AFAP1L2: variants seen among roughly 807,000 people sequenced by gnomAD.
AFAP1L2 encodes actin filament associated protein 1 like 2.
A neutral mutation model predicts 99.3 loss-of-function variants in AFAP1L2; 46 were observed. The ratio of observed to expected loss-of-function variants is 0.46; its 90% CI spans 0.37 to 0.59. The LOEUF (loss-of-function observed/expected upper bound fraction) is 0.59. Ranked by LOEUF, AFAP1L2 falls within the 20% of genes least tolerant of loss-of-function variation. The probability of loss-of-function intolerance (pLI) is 0.00; values close to 1 mark genes in which losing one functional copy is unlikely to be tolerated. For synonymous variants in AFAP1L2, 397 were observed against 419.1 expected, an observed-to-expected ratio of 0.95 and a Z score of 0.64; for missense variants, 959 against 1,034.9, an observed-to-expected ratio of 0.93 and a Z score of 1.01.
chr10:114,385,032 T>C (rs534850367), intron 1 of AFAP1L2, among the ~76,000 whole-genome samples: 67 of 152,146 alleles, frequency 4.4e-4, no homozygotes, highest in Non-Finnish European at 7.8e-4. Context: ...CTGAGCCCCA[T>C]ATGAAGTATA....
intron 4 of AFAP1L2, 32 bp from the exon 5 acceptor site, chr10:114,323,293 C>T: frequency 6.5e-7 from 1 of 1,550,190 alleles, no homozygotes; most frequent in Non-Finnish European, 8.8e-7. Context: ...CAAACGTTTG[C>T]AGATATGGTA....
At chr10:114,300,168 G>A (rs375915742) in intron 15 of AFAP1L2, 26 bp downstream of exon 15, 55 of 1,613,878 alleles carry the variant, frequency 3.4e-5, no homozygotes, top group Middle Eastern at 3.3e-4. Context: ...AGATGGAATC[G>A]GGCTAACTTC....
At chr10:114,290,342 G>T, downstream of AFAP1L2, 1 of 1,550,550 alleles carries the variant, frequency 6.4e-7, no homozygotes, top group Non-Finnish European at 8.7e-7. Flanking sequence ...CGGGATGGCT[G>T]GGAGGGCCCC....
intron 1 of AFAP1L2, among the ~76,000 whole-genome samples, chr10:114,389,624 T>G (rs2056904156): frequency 1.3e-5 from 2 of 152,174 alleles, no homozygotes; most frequent in South Asian, 4.1e-4. Flanking sequence ...TGGAGGTGAC[T>G]GAAAAAATAC....
intron 5 of AFAP1L2, among the ~76,000 whole-genome samples, chr10:114,317,102 A>G (rs1432369837): frequency 6.6e-6 from 1 of 152,236 alleles, no homozygotes; most frequent in Non-Finnish European, 1.5e-5. Context: ...AAGAATCCAG[A>G]AGCCCTTTCT....
chr10:114,378,820 C>T (rs1449009193), intron 1 of AFAP1L2, among the ~76,000 whole-genome samples: 1 of 152,240 alleles, frequency 6.6e-6, no homozygotes, highest in Non-Finnish European at 1.5e-5. Flanking sequence ...AGAGAAGTGA[C>T]TACCTGTCTA....
At chr10:114,335,440 A>AT (rs1251107767) in intron 2 of AFAP1L2, among the ~76,000 whole-genome samples, 2 of 151,972 alleles carry the variant, frequency 1.3e-5, no homozygotes, top group African/African-American at 4.8e-5. Flanking sequence ...GTGAAACCCC[A>AT]TCTCTACTAA....
rs2057256034 is a variant in AFAP1L2, at chr10:114,392,350, C to G, written c.16+12090G>C. 2.6e-5 allele frequency among the ~76,000 whole-genome samples: 4 copies of G among 152,164 alleles called. No individual in the cohort carries two copies. The South Asian group carries it at 8.3e-4, about 31-fold the overall frequency. ...ACTGCAGTCAGCCATGACAGTGCCA[C>G]TGAACTCCAGCCTGGGTGACAGAGC... On this transcript the variant is annotated intron_variant, in intron 1 of 18. Coordinates refer to ENST00000304129, the MANE Select transcript of AFAP1L2 (RefSeq NM_001001936.3).
chr10:114,338,878 C>G (rs569878955), intron 2 of AFAP1L2, among the ~76,000 whole-genome samples: 59 of 152,276 alleles, frequency 3.9e-4, no homozygotes, highest in Non-Finnish European at 6.2e-4. Flanking sequence ...GCACTTTATA[C>G]GTAAATGATC....
intron 1 of AFAP1L2, among the ~76,000 whole-genome samples, chr10:114,341,109 G>A (rs1180952446): frequency 6.6e-6 from 1 of 152,208 alleles, no homozygotes; most frequent in African/African-American, 2.4e-5. Context: ...GAGAGCTGTT[G>A]AGCTCTGCTC....
intron 1 of AFAP1L2, among the ~76,000 whole-genome samples, chr10:114,351,223 T>G (rs2050422512): frequency 6.6e-6 from 1 of 152,206 alleles, no homozygotes; most frequent in African/African-American, 2.4e-5. Context: ...ACTCCTTCTT[T>G]ATAGCCTCCC....
chr10:114,322,993 G>A (rs1306573016), intron 5 of AFAP1L2, among the ~76,000 whole-genome samples, 178 bp downstream of exon 5: 1 of 152,182 alleles, frequency 6.6e-6, no homozygotes, highest in Non-Finnish European at 1.5e-5. Context: ...CACACTAAAG[G>A]CTGAATGCTC....
intron 1 of AFAP1L2, among the ~76,000 whole-genome samples, chr10:114,353,056 A>G (rs1015754852): frequency 5.3e-5 from 8 of 152,142 alleles, no homozygotes; most frequent in Admixed American, 2.0e-4. Flanking sequence ...GTGACCTTGG[A>G]CCTAACCAGT....
At chr10:114,365,725 T>C (rs550210991) in intron 1 of AFAP1L2, among the ~76,000 whole-genome samples, 9 of 98,954 alleles carry the variant, frequency 9.1e-5, no homozygotes, top group South Asian at 3.1e-4. Context: ...CTCTCTCTCT[T>C]TTTTTTTTTT....
intron 1 of AFAP1L2, among the ~76,000 whole-genome samples, chr10:114,370,789 T>C (rs1209094785): frequency 1.3e-5 from 2 of 152,206 alleles, no homozygotes; most frequent in African/African-American, 4.8e-5. Context: ...CGCTTCTGTA[T>C]CTTGCCATTG....
intron 2 of AFAP1L2, among the ~76,000 whole-genome samples, chr10:114,337,582 G>A (rs529278343): frequency 2.0e-5 from 3 of 152,298 alleles, no homozygotes; most frequent in East Asian, 1.9e-4. Flanking sequence ...CACCCCCTAC[G>A]AGCTGCAGAG....
chr10:114,286,650 C>A, the AFAP1L2 span: 1 of 704,194 alleles, frequency 1.4e-6, no homozygotes, highest in Non-Finnish European at 2.3e-6. Context: ...AGGCACCAGT[C>A]ACATAAATAA....
chr10:114,378,298 C>T (rs1048429865), intron 1 of AFAP1L2, among the ~76,000 whole-genome samples: 11 of 152,286 alleles, frequency 7.2e-5, no homozygotes, highest in African/African-American at 2.4e-4. Flanking sequence ...CTGTGTCGTC[C>T]TACTGAAGCT....
intron 10 of AFAP1L2, among the ~76,000 whole-genome samples, chr10:114,305,804 T>G (rs1459424509): frequency 2.1e-4 from 6 of 28,432 alleles, no homozygotes; most frequent in Non-Finnish European, 2.7e-4. Flanking sequence ...GCAGGAGGCG[T>G]CGGGGCTGCA....
Sources: gnomAD v4.1 joint callset for allele counts (sites outside exome capture counted in the v4.1 genomes callset) on GRCh38, gnomAD v4.1.1 for gene constraint, MANE v1.5 for transcripts, NCBI Gene and HGNC (gene_info 2026-07-23, HGNC 2026-07-21) for gene names.